SLC4A8: variants seen among roughly 807,000 people sequenced by gnomAD.
SLC4A8 encodes the protein solute carrier family 4 member 8.
Under a neutral mutation model 125.0 loss-of-function variants are expected in SLC4A8, and 40 were observed. The observed-to-expected ratio is 0.32, with a 90% CI of 0.25 to 0.42. SLC4A8 has a LOEUF of 0.42. Ranked by LOEUF, SLC4A8 falls within the 10% of genes least tolerant of loss-of-function variation. The probability of loss-of-function intolerance (pLI) is 1.00; values close to 1 mark genes in which losing one functional copy is unlikely to be tolerated. For synonymous variants in SLC4A8, 456 were observed against 476.0 expected (o/e 0.96, Z 0.55); for missense variants, 863 against 1,355.1 (o/e 0.64, Z 5.70).
chr12:51,481,772 A>C (rs965942730), intron 16 of SLC4A8, among the ~76,000 whole-genome samples: 10 of 151,592 alleles, frequency 6.6e-5, no homozygotes, highest in African/African-American at 2.4e-4. Context: ...GCAAAACCCT[A>C]TCTCTACAAA....
intron 14 of SLC4A8, among the ~76,000 whole-genome samples, chr12:51,472,362 C>T (rs895650421): frequency 1.3e-5 from 2 of 152,112 alleles, no homozygotes; most frequent in South Asian, 2.1e-4. Context: ...CATCTGCGGA[C>T]CAGCGACAGA....
intron 11 of SLC4A8, among the ~76,000 whole-genome samples, chr12:51,464,982 G>T (rs1264913997): frequency 6.6e-6 from 1 of 152,152 alleles, no homozygotes; most frequent in Admixed American, 6.5e-5. Context: ...AGCATTGGTG[G>T]AAAGAAGGAG....
Position 51,450,965 on chromosome 12 carries a change from C to T in SLC4A8, c.220C>T (p.Arg74Ter), listed in dbSNP as rs1300784596. 6 of 1,594,858 alleles carry T rather than the reference C, an allele frequency of 3.8e-6. No homozygotes were observed. The highest frequency in any genetic ancestry group is 5.1e-6 in the Non-Finnish European group (6 of 1,169,048). Residue 74 changes from arginine to a stop codon, truncating the protein, a stop_gained, in exon 3 of 25, where the codon CGA becomes TGA. Coordinates refer to ENST00000453097, the MANE Select transcript of SLC4A8 (RefSeq NM_001039960.3). LOFTEE classifies it high-confidence loss of function. ...CACTCATGGCCAGAAGCACCGGAGA[C>T]GAGGGCGGGGCAAAGGAGCCAGCCA... is the stretch of plus-strand genomic sequence containing the variant. ...HRTHGQKHRR[R>*]GRGKGASQGE...
chr12:51,444,238 T>C (rs1055224439), intron 2 of SLC4A8, among the ~76,000 whole-genome samples: 3 of 152,280 alleles, frequency 2.0e-5, no homozygotes, highest in African/African-American at 7.2e-5. Context: ...CTGGATTTTA[T>C]TGGTGCTATA....
Position 51,452,286 on chromosome 12 carries a change from A to G in SLC4A8, c.413+27A>G, listed in dbSNP as rs368065214. 427 of 1,613,610 alleles carry G rather than the reference A, an allele frequency of 2.6e-4. 2 individuals are homozygous for G. The highest frequency in any genetic ancestry group is 2.4e-3 in the Middle Eastern group (14 of 5,944). On this transcript the variant is annotated intron_variant, in intron 4 of 24. Transcript: ENST00000453097. ...TGAGGCCCTAAAATGGCCTGCATCAAGATCTGCTTGGGTAGGCAAGTGTGT... is the reference window on the plus strand; with the variant it reads ...TGAGGCCCTAAAATGGCCTGCATCAGGATCTGCTTGGGTAGGCAAGTGTGT...
In SLC4A8 at chr12:51,463,653, T is replaced by C; in HGVS notation, c.1288T>C (p.Cys430Arg). 1 of 1,614,124 alleles carries C rather than the reference T, an allele frequency of 6.2e-7. No homozygotes were observed. The highest frequency in any genetic ancestry group is 8.5e-7 in the Non-Finnish European group (1 of 1,179,962). ...KMPGVPNGNV[C>R]HIEQEPHGGH... The stretch of plus-strand genomic sequence containing the variant: ...GCCTGGAGTTCCAAATGGAAATGTT[T>C]GCCACATAGAACAGGAACCACATGG... Residue 430 changes from cysteine to arginine, a missense_variant, in exon 11 of 25, where the codon TGC (cysteine) becomes CGC (arginine). Physicochemically the swap from Cys to Arg is radical, Grantham distance 180. Coordinates refer to ENST00000453097, the MANE Select transcript of SLC4A8 (RefSeq NM_001039960.3).
chr12:51,459,862 CTG>C (rs1237071946), intron 7 of SLC4A8, 87 bp from the exon 8 acceptor site: 9 of 1,150,404 alleles, frequency 7.8e-6, no homozygotes, highest in Admixed American at 4.2e-5. Flanking sequence ...TAGTGAGACT[CTG>C]TCTCAAAAAA....
chr12:51,495,157 GT>G (rs1207320546), intron 21 of SLC4A8, 39 bp downstream of exon 21: 1 of 1,530,236 alleles, frequency 6.5e-7, no homozygotes, highest in African/African-American at 1.4e-5. Flanking sequence ...TATTATCATT[GT>G]TATTTTTTAG....
At chr12:51,401,624 GTC>G (rs1023306096) in intron 1 of SLC4A8, among the ~76,000 whole-genome samples, 19 of 152,154 alleles carry the variant, frequency 1.2e-4, no homozygotes, top group African/African-American at 4.1e-4. Flanking sequence ...AGCCGCTTGT[GTC>G]TCTGCCCGCT....
At chr12:51,435,999 G>T (rs1009960988) in intron 1 of SLC4A8, among the ~76,000 whole-genome samples, 1 of 151,840 alleles carries the variant, frequency 6.6e-6, no homozygotes, top group African/African-American at 2.4e-5. Context: ...CCTTTGAGTG[G>T]GCAGAGCTAG....
chr12:51,424,729 C>G (rs1031321455), upstream of SLC4A8: 1 of 459,712 alleles, frequency 2.2e-6, no homozygotes, highest in South Asian at 3.5e-5. Context: ...GCTCCTCCCC[C>G]TCCCCGCGGT....
rs748464807 is a variant in SLC4A8 at position 51,462,469 on chromosome 12, C to T, written c.1248+13C>T. 7.8e-6 allele frequency: 12 copies of T among 1,544,304 alleles called. No individual in the cohort carries two copies. Among genetic ancestry groups the T allele is most frequent in the Admixed American group, 2.1e-5 (1 of 47,316 alleles). On this transcript the variant is annotated intron_variant, in intron 10 of 24. Coordinates refer to ENST00000453097, the MANE Select transcript of SLC4A8 (RefSeq NM_001039960.3). The stretch of plus-strand genomic sequence containing the variant: ...TGTCCCTTCCCAGGTAATGTATGCA[C>T]ATCAGCCAATGTGGCTATTGTCACT...
At chr12:51,499,678 G>A (rs991972042) in intron 22 of SLC4A8, among the ~76,000 whole-genome samples, 3 of 147,706 alleles carry the variant, frequency 2.0e-5, no homozygotes, top group Admixed American at 1.4e-4. Context: ...TTTAGGTAGT[G>A]ATATGTTTTA....
chr12:51,430,978 A>T (rs1949167834), intron 1 of SLC4A8, among the ~76,000 whole-genome samples: 1 of 152,234 alleles, frequency 6.6e-6, no homozygotes, highest in African/African-American at 2.4e-5. Context: ...TATAGTTCAG[A>T]AATCTGATAC....
At position 51,478,060 on chromosome 12, in the gene SLC4A8, G is replaced by A. The variant is rs1451608831; in HGVS notation, c.2172+2854G>A. Among the ~76,000 whole-genome samples the A allele has an allele frequency of 5.3e-5, 8 of 152,264 alleles. No homozygotes were observed. In the East Asian group the frequency reaches 1.5e-3, roughly 29 times the overall value. ...GGAGGCCGAGATGGGCAGATCACGA[G>A]GTCAGGAGATCGAGACCATCCTGGC... On this transcript the variant is annotated intron_variant, in intron 16 of 24. Coordinates refer to ENST00000453097, the MANE Select transcript of SLC4A8 (RefSeq NM_001039960.3).
chr12:51,454,178 T>A (rs1950056684), intron 5 of SLC4A8, among the ~76,000 whole-genome samples: 1 of 152,034 alleles, frequency 6.6e-6, no homozygotes, highest in Non-Finnish European at 1.5e-5. Context: ...ATACCTGTAG[T>A]CCCAATTATT....
intron 1 of SLC4A8, among the ~76,000 whole-genome samples, chr12:51,400,336 C>T (rs1047901579): frequency 6.6e-6 from 1 of 152,158 alleles, no homozygotes; most frequent in Admixed American, 6.5e-5. Context: ...CTTTGAAGAG[C>T]TACTATCATC....
intron 11 of SLC4A8, 86 bp from the exon 12 acceptor site, chr12:51,469,528 A>C: frequency 8.0e-7 from 1 of 1,254,198 alleles, no homozygotes; most frequent in Non-Finnish European, 1.1e-6. Flanking sequence ...AACAGAGCAC[A>C]TTTGAAATGC....
In SLC4A8 at chr12:51,497,133, C is replaced by T. The variant is rs2138425036; in HGVS notation, c.3081+9C>T. The stretch of plus-strand genomic sequence containing the variant: ...AGGCCAAGGAGGAAGAGGTCATAGT[C>T]CTTGCACCAACTGTATACCTGGGGG... On this transcript the variant is annotated intron_variant, in intron 22 of 24. Transcript: ENST00000453097. 6.2e-7 allele frequency: 1 copy of T among 1,606,168 alleles called. No individual in the cohort carries two copies. Among genetic ancestry groups the T allele is most frequent in the South Asian group, 1.1e-5 (1 of 88,918 alleles).
Sources: gnomAD v4.1 joint callset for allele counts (sites outside exome capture counted in the v4.1 genomes callset) on GRCh38, gnomAD v4.1.1 for gene constraint, MANE v1.5 for transcripts, NCBI Gene and HGNC (gene_info 2026-07-23, HGNC 2026-07-21) for gene names.